Variants in PRKD1 observed in about 807,000 individuals in gnomAD.
PRKD1 encodes the protein serine/threonine-protein kinase D1.
PRKD1 carries 63 observed loss-of-function variants against 95.9 expected under a neutral mutation model. The observed-to-expected ratio is 0.66, with a 90% CI of 0.54 to 0.81. The LOEUF (loss-of-function observed/expected upper bound fraction) is 0.81. Ranked by LOEUF, PRKD1 falls within the 30% of genes least tolerant of loss-of-function variation. The probability of loss-of-function intolerance (pLI) is 0.00; values close to 1 mark genes in which losing one functional copy is unlikely to be tolerated. For synonymous variants in PRKD1, 425 were observed against 423.1 expected, an observed-to-expected ratio of 1.00 and a Z score of -0.05; for missense variants, 1,048 against 1,165.3, an observed-to-expected ratio of 0.90 and a Z score of 1.47.
At position 29,693,627 on chromosome 14, in the gene PRKD1, C is replaced by CAAAA. The variant is rs772835816; in HGVS notation, c.404-27423_404-27420dup. On this transcript the variant is annotated intron_variant, in intron 2 of 17. Transcript: ENST00000331968. ...ACTGTAAGCACTTTATGACCTCAGT[C>CAAAA]AAAAAAAAAAAAAACAACAACAACA... is the stretch of plus-strand genomic sequence containing the variant. Among the ~76,000 whole-genome samples, 171 of 81,516 alleles carry CAAAA rather than the reference C, an allele frequency of 2.1e-3. 1 individual carries two copies. Among genetic ancestry groups the CAAAA allele is most frequent in the African/African-American group, 6.8e-3 (160 of 23,696 alleles). The allele number at this position is 81,516 out of a possible 152,430, so 53.5% of individuals were successfully genotyped here.
chr14:29,805,794 A>G (rs1890207550), intron 1 of PRKD1, among the ~76,000 whole-genome samples: 1 of 152,220 alleles, frequency 6.6e-6, no homozygotes, highest in Non-Finnish European at 1.5e-5. Flanking sequence ...GCTCTCTAGA[A>G]CATGATCACT....
chr14:29,684,643 A>G (rs763537857), intron 2 of PRKD1, among the ~76,000 whole-genome samples: 5 of 152,200 alleles, frequency 3.3e-5, no homozygotes, highest in Non-Finnish European at 7.3e-5. Context: ...AAATGTCCCC[A>G]GCTATATGTG....
At chr14:29,669,729 A>T (rs1045675207) in intron 2 of PRKD1, among the ~76,000 whole-genome samples, 26 of 152,074 alleles carry the variant, frequency 1.7e-4, no homozygotes, top group African/African-American at 6.0e-4. Context: ...TTAGCTGGGC[A>T]TGGTGGCATG....
chr14:29,591,482 A>G (rs1236913723), intron 16 of PRKD1, among the ~76,000 whole-genome samples: 1 of 152,128 alleles, frequency 6.6e-6, no homozygotes, highest in Non-Finnish European at 1.5e-5. Flanking sequence ...AGGGCAGTCC[A>G]TGGACCATGG....
At chr14:29,599,517 A>G (rs1893435270) in intron 14 of PRKD1, 139 bp downstream of exon 14, 1 of 761,316 alleles carries the variant, frequency 1.3e-6, no homozygotes. Flanking sequence ...ACATAATACA[A>G]TAAAGCCACT....
At chr14:29,856,392 A>G (rs1892504390) in intron 1 of PRKD1, among the ~76,000 whole-genome samples, 1 of 152,202 alleles carries the variant, frequency 6.6e-6, no homozygotes, top group African/African-American at 2.4e-5. Flanking sequence ...AACCACAACC[A>G]AAGGTTTGCC....
At chr14:29,878,168 G>C in intron 1 of PRKD1, among the ~76,000 whole-genome samples, 1 of 152,080 alleles carries the variant, frequency 6.6e-6, no homozygotes, top group Non-Finnish European at 1.5e-5. Flanking sequence ...GGTGGACAGA[G>C]GGAGAGGATC....
intron 1 of PRKD1, among the ~76,000 whole-genome samples, chr14:29,822,701 A>C (rs533221998): frequency 6.6e-6 from 1 of 152,246 alleles, no homozygotes; most frequent in East Asian, 1.9e-4. Context: ...AAAAATGTAG[A>C]TCTAAGTACA....
At chr14:29,749,368 T>C (rs1414914560) in intron 1 of PRKD1, among the ~76,000 whole-genome samples, 1 of 152,206 alleles carries the variant, frequency 6.6e-6, no homozygotes, top group East Asian at 1.9e-4. Context: ...AGAAGTTTTG[T>C]AGCCTATTCA....
chr14:29,663,751 A>T lies in PRKD1; in HGVS notation c.644T>A (p.Ile215Asn). 1 of 1,614,066 alleles carries T rather than the reference A, an allele frequency of 6.2e-7. No individual in the cohort carries two copies. The highest frequency in any genetic ancestry group is 8.5e-7 in the Non-Finnish European group (1 of 1,179,970). Residue 215 changes from isoleucine to asparagine, a missense_variant, in exon 4 of 18, where the codon ATC becomes AAC. Ile to Asn is a moderately radical substitution (Grantham distance 149). This residue lies in a region of PRKD1 where 275 missense variants were observed against 248.6 expected (regional missense o/e 1.11). Transcript: ENST00000331968. The part of the protein sequence containing the change: ...SNVSLTGVST[I>N]RTSSAELSTS... The stretch of plus-strand genomic sequence containing the variant: ...AGAGAGTTCAGCAGATGATGTGCGG[A>T]TGGTGCTGACCCCAGTGAGGGAAAC...
rs1882927530 is a variant in PRKD1 at position 29,672,611 on chromosome 14, T to C, written c.404-6403A>G. ...GAAGAAATCAAATGAAAAAGACTCA[T>C]TAGCATGACCATGTAGGCACTACTG... On this transcript the variant is annotated intron_variant, in intron 2 of 17. Transcript: ENST00000331968. Among the ~76,000 whole-genome samples the C allele has an allele frequency of 3.3e-5, 5 of 152,106 alleles. No homozygotes were observed. In the South Asian group the frequency reaches 1.0e-3, roughly 32 times the overall value.
At chr14:29,612,957 G>A (rs1176013544) in intron 13 of PRKD1, among the ~76,000 whole-genome samples, 1 of 152,088 alleles carries the variant, frequency 6.6e-6, no homozygotes, top group Non-Finnish European at 1.5e-5. Flanking sequence ...AATTAGCCGG[G>A]CTTGCTGGTG....
At chr14:29,637,677 G>A (rs1035302594) in intron 6 of PRKD1, among the ~76,000 whole-genome samples, 7 of 152,148 alleles carry the variant, frequency 4.6e-5, no homozygotes. Context: ...AGAAACAAGT[G>A]TGACAATGTT....
chr14:29,768,644 A>G (rs1888368902), intron 1 of PRKD1, among the ~76,000 whole-genome samples: 1 of 151,978 alleles, frequency 6.6e-6, no homozygotes, highest in African/African-American at 2.4e-5. Context: ...ACTATTTCCA[A>G]ATATTTTAAG....
intron 1 of PRKD1, among the ~76,000 whole-genome samples, chr14:29,795,928 A>T (rs1889795667): frequency 6.6e-6 from 1 of 152,190 alleles, no homozygotes; most frequent in South Asian, 2.1e-4. Context: ...CAAAATAAAC[A>T]TAATTTACTA....
At chr14:29,665,407 A>G (rs548073950) in intron 3 of PRKD1, among the ~76,000 whole-genome samples, 39 of 152,130 alleles carry the variant, frequency 2.6e-4, no homozygotes, top group African/African-American at 7.5e-4. Flanking sequence ...TGATTTTCCA[A>G]TGTCTATTAC....
chr14:29,700,988 G>GCGCACACACACACA (rs140824053), intron 2 of PRKD1, among the ~76,000 whole-genome samples: 3 of 90,598 alleles, frequency 3.3e-5, no homozygotes, highest in African/African-American at 1.3e-4. Flanking sequence ...GCGCGCGCGC[G>GCGCACACACACACA]CACACACACA....
At chr14:29,696,568 T>C (rs1390319740) in intron 2 of PRKD1, among the ~76,000 whole-genome samples, 2 of 152,210 alleles carry the variant, frequency 1.3e-5, no homozygotes, top group Non-Finnish European at 2.9e-5. Flanking sequence ...TGCATAACTT[T>C]GTGAAATACA....
rs767389128 is a variant in PRKD1 at position 29,636,546 on chromosome 14, G to A, written c.986-52C>T. The A allele has an allele frequency of 8.9e-6, 14 of 1,574,472 alleles. No individual in the cohort carries two copies. The Admixed American group carries it at 1.3e-4, about 15-fold the overall frequency. On this transcript the variant is annotated intron_variant, in intron 6 of 17. Transcript: ENST00000331968. ...ATAAGCCTGGAATCTTGGAGCCAGG[G>A]CTTAAGAGACAGTCAGGTGATCCTA...
Sources: allele counts gnomAD v4.1 joint callset (sites outside exome capture counted in the v4.1 genomes callset), GRCh38; gene constraint gnomAD v4.1.1; regional missense constraint gnomAD v4.1.1; transcripts MANE v1.5; gene names NCBI Gene and HGNC (gene_info 2026-07-23, HGNC 2026-07-21).